ST6GAL2: variants seen among roughly 807,000 people sequenced by gnomAD.
ST6GAL2 encodes the protein ST6 beta-galactoside alpha-2,6-sialyltransferase 2.
ST6GAL2 carries 24 observed loss-of-function variants against 37.5 expected under a neutral mutation model. The observed-to-expected ratio is 0.64, with a 90% confidence interval of 0.46 to 0.90. The LOEUF is 0.90. ST6GAL2 is among the 40% of genes least tolerant of loss of function. ST6GAL2 has a pLI of 0.00. For synonymous variants in ST6GAL2, 306 were observed against 295.1 expected (o/e 1.04, Z -0.38); for missense variants, 715 against 712.7 (o/e 1.00, Z -0.04).
chr2:106,844,141 T>G (rs1380883556), intron 1 of ST6GAL2, 107 bp from the exon 2 acceptor site: 1 of 552,946 alleles, frequency 1.8e-6, no homozygotes, highest in African/African-American at 1.9e-5. Context: ...GGTGGGGTTG[T>G]AGAAGGGGCA....
intron 3 of ST6GAL2, 27 bp from the exon 4 acceptor site, chr2:106,832,693 A>T (rs762544299): frequency 1.5e-5 from 22 of 1,445,648 alleles, no homozygotes; most frequent in Non-Finnish European, 2.1e-5. Context: ...AAACCATTTC[A>T]AAGCCAGGGT....
intron 1 of ST6GAL2, among the ~76,000 whole-genome samples, chr2:106,880,306 T>C (rs1035612686): frequency 1.3e-5 from 2 of 152,170 alleles, no homozygotes; most frequent in Non-Finnish European, 2.9e-5. Flanking sequence ...GAATAACCTA[T>C]AGTATTTGGT....
chr2:106,840,482 A>G (rs1412211573), intron 2 of ST6GAL2, among the ~76,000 whole-genome samples: 2 of 152,222 alleles, frequency 1.3e-5, no homozygotes. Context: ...GAGCCATGCT[A>G]TGGTTACATG....
chr2:106,871,420 TTTC>T (rs929583286), intron 1 of ST6GAL2, among the ~76,000 whole-genome samples: 2 of 152,216 alleles, frequency 1.3e-5, no homozygotes, highest in African/African-American at 2.4e-5. Flanking sequence ...AATGGTTTTC[TTTC>T]TTCAATAATA....
intron 5 of ST6GAL2, among the ~76,000 whole-genome samples, chr2:106,816,922 A>G (rs1005999223): frequency 6.6e-6 from 1 of 152,188 alleles, no homozygotes; most frequent in South Asian, 2.1e-4. Context: ...GGGAAAGTGC[A>G]GTGACTGGGA....
intron 1 of ST6GAL2, among the ~76,000 whole-genome samples, chr2:106,882,821 T>A: frequency 6.6e-6 from 1 of 152,322 alleles, no homozygotes; most frequent in Admixed American, 6.5e-5. Flanking sequence ...TTTGGACTTC[T>A]TCCCTAGACA....
At chr2:106,832,711 T>A in intron 3 of ST6GAL2, 45 bp from the exon 4 acceptor site, 1 of 1,261,894 alleles carries the variant, frequency 7.9e-7, no homozygotes, top group Middle Eastern at 1.8e-4. Flanking sequence ...GGTTTGGTTT[T>A]TAAAAATTGC....
chr2:106,876,828 T>C (rs950259119), intron 1 of ST6GAL2, among the ~76,000 whole-genome samples: 3 of 152,158 alleles, frequency 2.0e-5, no homozygotes, highest in Admixed American at 6.5e-5. Context: ...GGTAACTGCA[T>C]AAAAGCCGGA....
intron 5 of ST6GAL2, chr2:106,813,267 T>A: frequency 7.8e-7 from 1 of 1,280,222 alleles, no homozygotes; most frequent in Non-Finnish European, 1.0e-6. Context: ...ATTAGTATTT[T>A]CTAGGCAATT....
At chr2:106,807,769 C>T (rs948374417) in intron 5 of ST6GAL2, among the ~76,000 whole-genome samples, 3 of 151,804 alleles carry the variant, frequency 2.0e-5, no homozygotes, top group Admixed American at 6.6e-5. Flanking sequence ...GGACTACAGG[C>T]GCCCACCACC....
chr2:106,870,876 T>C (rs1436318927), intron 1 of ST6GAL2, among the ~76,000 whole-genome samples: 2 of 152,096 alleles, frequency 1.3e-5, no homozygotes, highest in African/African-American at 2.4e-5. Flanking sequence ...GAAAAGGGCT[T>C]GGGGGTGTGC....
intron 2 of ST6GAL2, chr2:106,841,250 A>T: frequency 6.6e-6 from 1 of 152,148 alleles, no homozygotes; most frequent in African/African-American, 2.4e-5. Context: ...ATTCCGAGAG[A>T]ACTCTGGAAC....
intron 1 of ST6GAL2, among the ~76,000 whole-genome samples, chr2:106,849,602 C>T (rs1270614044): frequency 6.6e-6 from 1 of 152,166 alleles, no homozygotes; most frequent in Non-Finnish European, 1.5e-5. Flanking sequence ...ATGCAGCCTA[C>T]CTTTCCCCTT....
chr2:106,844,408 T>C (rs1164343234), intron 1 of ST6GAL2, among the ~76,000 whole-genome samples: 5 of 152,040 alleles, frequency 3.3e-5, no homozygotes, highest in Non-Finnish European at 5.9e-5. Context: ...ATGATAAAAT[T>C]CCAATTTGAT....
intron 5 of ST6GAL2, among the ~76,000 whole-genome samples, chr2:106,817,498 G>A (rs559499311): frequency 8.1e-4 from 123 of 152,306 alleles, no homozygotes; most frequent in Non-Finnish European, 6.5e-4. Flanking sequence ...ATGGAGAGAA[G>A]GACTCAGTCC....
chr2:106,833,931 C>T, intron 3 of ST6GAL2, 118 bp downstream of exon 3: 1 of 649,570 alleles, frequency 1.5e-6, no homozygotes, highest in East Asian at 2.7e-5. Flanking sequence ...TAAACAAGTA[C>T]CACGGTCATA....
chr2:106,852,444 C>T (rs1026190299), intron 1 of ST6GAL2, among the ~76,000 whole-genome samples: 8 of 152,160 alleles, frequency 5.3e-5, no homozygotes, highest in East Asian at 1.9e-4. Flanking sequence ...GCTGGGCTTC[C>T]GGATAATGTA....
chr2:106,843,641 A>T lies in ST6GAL2; in HGVS notation c.337T>A (p.Ser113Thr), dbSNP rs1319444324. The T allele has an allele frequency of 6.2e-7, 1 of 1,613,782 alleles. No individual in the cohort carries two copies. The highest frequency in any genetic ancestry group is 2.2e-5 in the East Asian group (1 of 44,848). ...QDGFEHKEFF[S>T]SQVGRKSQSA... ...TGAGATTTTCTCCCCACCTGGGATG[A>T]AAAAAACTCTTTATGTTCAAACCCA... The change falls in exon 2 of 6, where the codon TCA (serine) becomes ACA (threonine). Residue 113 changes from serine to threonine, a missense_variant. Physicochemically the swap from Ser to Thr is moderately conservative, Grantham distance 58 (BLOSUM62 1). Around this residue, in one of 3 missense-constraint regions of ST6GAL2, gnomAD observed 512 missense variants for 488.8 expected, o/e 1.05. Coordinates refer to ENST00000409382, the MANE Select transcript of ST6GAL2 (RefSeq NM_001142351.2).
chr2:106,857,386 T>C (rs1178827962), intron 1 of ST6GAL2, among the ~76,000 whole-genome samples: 1 of 152,116 alleles, frequency 6.6e-6, no homozygotes. Flanking sequence ...GAGGATCATC[T>C]AAGGTCAGGA....
Sources: allele counts gnomAD v4.1 joint callset (sites outside exome capture counted in the v4.1 genomes callset), GRCh38; gene constraint gnomAD v4.1.1; regional missense constraint gnomAD v4.1.1; transcripts MANE v1.5; gene names NCBI Gene and HGNC (gene_info 2026-07-23, HGNC 2026-07-21).